Variants in PRKAA1 observed in about 807,000 individuals in gnomAD.
PRKAA1 encodes the protein 5'-AMP-activated protein kinase catalytic subunit alpha-1.
A neutral mutation model predicts 56.9 loss-of-function variants in PRKAA1; 23 were observed. The observed-to-expected ratio is 0.40, with a 90% CI of 0.29 to 0.57. PRKAA1 has a LOEUF of 0.57. PRKAA1 is among the 20% of genes least tolerant of loss of function. PRKAA1 has a pLI of 0.39. For synonymous variants in PRKAA1, 226 were observed against 227.0 expected, an observed-to-expected ratio of 1.00 and a Z score of 0.04; for missense variants, 413 against 679.7, an observed-to-expected ratio of 0.61 and a Z score of 4.36.
In PRKAA1 at chr5:40,761,354, T is replaced by C. The variant is rs1036821500; in HGVS notation, c.*1424A>G. On this transcript the variant is annotated 3_prime_UTR_variant, in exon 9 of 9. Transcript: ENST00000397128. ...GGAGAATGTCATTATCTGTAGGAGA[T>C]ACTTGAAGTATTTTCACGGTGATAA... 4 of 152,186 alleles carry C rather than the reference T, an allele frequency of 2.6e-5. No individual in the cohort carries two copies. The highest frequency in any genetic ancestry group is 5.9e-5 in the Non-Finnish European group (4 of 68,006). The allele number at this position is 152,186 out of a possible 1,614,324, so 9.4% of individuals were successfully genotyped here.
intron 6 of PRKAA1, among the ~76,000 whole-genome samples, chr5:40,765,906 G>A (rs1293609814): frequency 1.3e-5 from 2 of 150,950 alleles, no homozygotes; most frequent in African/African-American, 4.9e-5. Context: ...TGTTTGACCT[G>A]AACTATGTCA....
rs1332228287 is a variant in PRKAA1, at chr5:40,762,007, C to T, written c.*771G>A. 6.6e-6 allele frequency: 1 copy of T among 152,256 alleles called. No homozygotes were observed. Among genetic ancestry groups the T allele is most frequent in the Non-Finnish European group, 1.5e-5 (1 of 68,094 alleles). 9.4% of individuals were successfully genotyped at this position (152,256 alleles called of 1,614,324 possible). A position where few individuals can be genotyped will look rare whatever the true frequency, so the allele number is the denominator to read the frequency against. ...GGGATATGGAGGCCGGGTGCGGTGGCTCACGCCTGTAATCCCACCACTTTG... is the reference window on the plus strand; with the variant it reads ...GGGATATGGAGGCCGGGTGCGGTGGTTCACGCCTGTAATCCCACCACTTTG... On this transcript the variant is annotated 3_prime_UTR_variant, in exon 9 of 9. Coordinates refer to ENST00000397128, the MANE Select transcript of PRKAA1 (RefSeq NM_006251.6).
In PRKAA1 at chr5:40,764,896, G is replaced by A. The variant is rs371358019; in HGVS notation, c.1164C>T (p.Thr388=). The change falls in exon 7 of 9, where the codon ACC becomes ACT. Residue 388 remains threonine (T), a synonymous_variant. Transcript: ENST00000397128. ...ATTTCTGTGGATTTAATTCATCAAG[G>A]GTATGGCGTGCCCTTGGTGTTTCAG... ...LVAETPRARH[T]LDELNPQKSK... The A allele has an allele frequency of 1.6e-5, 26 of 1,613,936 alleles. No individual in the cohort carries two copies. The highest frequency in any genetic ancestry group is 4.0e-5 in the African/African-American group (3 of 74,882).
At chr5:40,784,721 T>C (rs984205183) in intron 1 of PRKAA1, among the ~76,000 whole-genome samples, 2 of 152,218 alleles carry the variant, frequency 1.3e-5, no homozygotes, top group African/African-American at 4.8e-5. Flanking sequence ...CCAAACATAC[T>C]GACACACTCT....
chr5:40,764,709 T>C, intron 7 of PRKAA1, 43 bp downstream of exon 7: 1 of 1,603,748 alleles, frequency 6.2e-7, no homozygotes, highest in Admixed American at 1.7e-5. Flanking sequence ...AGACTATGGG[T>C]TTGCCAAATA....
intron 6 of PRKAA1, among the ~76,000 whole-genome samples, chr5:40,765,880 C>T (rs1743409641): frequency 6.6e-6 from 1 of 151,742 alleles, no homozygotes; most frequent in Admixed American, 6.6e-5. Flanking sequence ...TCCCTAACTT[C>T]GTATATTTAA....
chr5:40,782,553 C>T (rs1441797517), intron 1 of PRKAA1, among the ~76,000 whole-genome samples: 2 of 152,106 alleles, frequency 1.3e-5, no homozygotes, highest in African/African-American at 4.8e-5. Context: ...CCATGAAATG[C>T]ATGATTGTAT....
At chr5:40,766,868 A>G (rs1743459422) in intron 6 of PRKAA1, among the ~76,000 whole-genome samples, 2 of 151,930 alleles carry the variant, frequency 1.3e-5, no homozygotes, top group African/African-American at 2.4e-5. Context: ...TAACAACAAA[A>G]AACAGCCAGG....
Position 40,764,560 on chromosome 5 carries a change from G to A in PRKAA1, c.1389C>T (p.Tyr463=), listed in dbSNP as rs760391681. Residue 463 remains tyrosine (Y), a synonymous_variant, in exon 8 of 9, where the codon TAC becomes TAT. Transcript: ENST00000397128. ...GTAGATAAGTTCTACTATCCACTTGGTATAACTGTAGACTCATTTTGGAGT... is the reference window on the plus strand; with the variant it reads ...GTAGATAAGTTCTACTATCCACTTGATATAACTGTAGACTCATTTTGGAGT... ...STYSKMSLQL[Y]QVDSRTYLLD... is the part of the protein sequence containing the mutation. 3 of 1,612,796 alleles carry A rather than the reference G, an allele frequency of 1.9e-6. No homozygotes were observed. Among genetic ancestry groups the A allele is most frequent in the Non-Finnish European group, 8.5e-7 (1 of 1,179,348 alleles).
intron 3 of PRKAA1, among the ~76,000 whole-genome samples, chr5:40,773,596 A>C (rs1178050610): frequency 6.6e-6 from 1 of 152,204 alleles, no homozygotes; most frequent in African/African-American, 2.4e-5. Context: ...GTCACCAAGG[A>C]TGACAATAGA....
In PRKAA1 at chr5:40,763,034, G is replaced by T; in HGVS notation, c.1436-12C>A. Reference sequence around the variant, plus strand: ...TTCTGTAATTTCATCTGGGTAAAAAGAATTTCAATTTATTATAGTCTATGA... The same window carrying T: ...TTCTGTAATTTCATCTGGGTAAAAATAATTTCAATTTATTATAGTCTATGA... On this transcript the variant is annotated splice_polypyrimidine_tract_variant and intron_variant, in intron 8 of 8. Transcript: ENST00000397128. 6.2e-7 allele frequency: 1 copy of T among 1,613,026 alleles called. No individual in the cohort carries two copies. Among genetic ancestry groups the T allele is most frequent in the Non-Finnish European group, 8.5e-7 (1 of 1,179,242 alleles).
In PRKAA1 at chr5:40,762,278, A is replaced by T. The variant is rs558789481; in HGVS notation, c.*500T>A. ...CAAAGTGACACTGTCTCAAAAAAAC[A>T]AAGAGGGAGGGATATGGAAGAAGTT... On this transcript the variant is annotated 3_prime_UTR_variant, in exon 9 of 9. Transcript: ENST00000397128. The T allele has an allele frequency of 6.4e-5, 10 of 156,510 alleles. No individual in the cohort carries two copies. In the South Asian group the frequency reaches 1.9e-3, roughly 30 times the overall value. The allele number at this position is 156,510 out of a possible 1,614,324, so 9.7% of individuals were successfully genotyped here. A position where few individuals can be genotyped will look rare whatever the true frequency, so the allele number is the denominator to read the frequency against.
chr5:40,785,633 A>G (rs571430197), intron 1 of PRKAA1, among the ~76,000 whole-genome samples: 2 of 152,314 alleles, frequency 1.3e-5, no homozygotes, highest in African/African-American at 4.8e-5. Context: ...TATACAAAAT[A>G]TAAAAACAAG....
chr5:40,786,832 G>A (rs1015530471), intron 1 of PRKAA1, among the ~76,000 whole-genome samples: 3 of 135,622 alleles, frequency 2.2e-5, no homozygotes, highest in East Asian at 2.5e-4. Flanking sequence ...GGTGGTGCAC[G>A]CCTGTAATCC....
At chr5:40,764,233 C>A in intron 8 of PRKAA1, 1 of 215,104 alleles carries the variant, frequency 4.6e-6, no homozygotes, top group East Asian at 1.0e-4. Context: ...TGAACTACAC[C>A]AAAAAAACAA....
At position 40,769,476 on chromosome 5, in the gene PRKAA1, T is replaced by G; in HGVS notation, c.536A>C (p.Glu179Ala). The G allele has an allele frequency of 6.2e-7, 1 of 1,610,838 alleles. No individual in the cohort carries two copies. The highest frequency in any genetic ancestry group is 8.5e-7 in the Non-Finnish European group (1 of 1,178,156). ...FGLSNMMSDG[E>A]FLRTSCGSPN... ...TGAGCCACAACTTGTTCTTAAAAAT[T>G]CACCATCTGACATCATGTTTGAAAG... Residue 179 changes from glutamate to alanine, a missense_variant, in exon 5 of 9, where the codon GAA (glutamate) becomes GCA (alanine). By Grantham distance (107) the Glu-to-Ala change is moderately radical. Transcript: ENST00000397128.
rs1472930129 is a variant in PRKAA1 at position 40,777,483 on chromosome 5, C to T, written c.231G>A (p.Gln77=). 2 of 1,613,648 alleles carry T rather than the reference C, an allele frequency of 1.2e-6. No individual in the cohort carries two copies. Among genetic ancestry groups the T allele is most frequent in the Admixed American group, 3.3e-5 (2 of 60,018 alleles). ...GAGGATGCCTGAAAAGCTTGAGGTT[C>T]TGAATTTCTCTGCGGATTTTTCCTA... is the stretch of plus-strand genomic sequence containing the variant. The part of the protein sequence containing the change: ...DVVGKIRREI[Q]NLKLFRHPHI... The change falls in exon 2 of 9, where the codon CAG becomes CAA. Residue 77 remains glutamine, a synonymous_variant. Transcript: ENST00000397128.
rs2111981293 is a variant in PRKAA1 at position 40,765,141 on chromosome 5, C to A, written c.919G>T (p.Val307Leu). Residue 307 changes from valine (V) to leucine (L), a missense_variant, in exon 7 of 9, where the codon GTA (valine) becomes TTA (leucine). Around this residue, in one of 9 missense-constraint regions of PRKAA1, gnomAD observed 113 missense variants for 198.6 expected, o/e 0.57. Coordinates refer to ENST00000397128, the MANE Select transcript of PRKAA1 (RefSeq NM_006251.6). ...TMIDDEALKE[V>L]CEKFECSEEE... Reference sequence around the variant, plus strand: ...TCTGAGCACTCAAACTTTTCACATACTTCTTTTAAGGCTTCATCATCAATC... The same window carrying A: ...TCTGAGCACTCAAACTTTTCACATAATTCTTTTAAGGCTTCATCATCAATC... 1 of 1,614,180 alleles carries A rather than the reference C, an allele frequency of 6.2e-7. No homozygotes were observed. Among genetic ancestry groups the A allele is most frequent in the Non-Finnish European group, 8.5e-7 (1 of 1,180,024 alleles).
chr5:40,767,036 A>AAAAT (rs1411074803), intron 6 of PRKAA1, among the ~76,000 whole-genome samples: 1 of 151,986 alleles, frequency 6.6e-6, no homozygotes, highest in Admixed American at 6.6e-5. Flanking sequence ...TAAATAAATA[A>AAAAT]AAATAAAAGA....
Sources: allele counts gnomAD v4.1 joint callset (sites outside exome capture counted in the v4.1 genomes callset), GRCh38; gene constraint gnomAD v4.1.1; regional missense constraint gnomAD v4.1.1; transcripts MANE v1.5; gene names NCBI Gene and HGNC (gene_info 2026-07-23, HGNC 2026-07-21).